DAB1: variants seen among roughly 807,000 people sequenced by gnomAD.
The protein encoded by DAB1 is disabled homolog 1.
In DAB1, 15 loss-of-function variants were observed where a neutral mutation model predicts 64.6. The ratio of observed to expected loss-of-function variants is 0.23; its 90% confidence interval spans 0.16 to 0.36. The LOEUF is 0.36. Among genes scored for constraint, DAB1 ranks in the 10% least tolerant of loss-of-function variants. DAB1 has a pLI of 1.00. For missense variants in DAB1, 596 were observed against 706.7 expected, an observed-to-expected ratio of 0.84 and a Z score of 1.78; for synonymous variants, 235 against 251.9, an observed-to-expected ratio of 0.93 and a Z score of 0.64.
chr1:57,404,617 A>G (rs1396524630), intron 1 of DAB1, among the ~76,000 whole-genome samples: 2 of 152,348 alleles, frequency 1.3e-5, no homozygotes, highest in African/African-American at 4.8e-5. Flanking sequence ...TTTCAAATTC[A>G]AAAAACAAGG....
chr1:57,891,169 A>G (rs1228099143), intron 5 of DAB1, among the ~76,000 whole-genome samples: 3 of 152,228 alleles, frequency 2.0e-5, no homozygotes, highest in Non-Finnish European at 4.4e-5. Context: ...TACAAGAAAA[A>G]GACAAACAAC....
At chr1:58,163,490 G>A (rs1252835754) in intron 4 of DAB1, among the ~76,000 whole-genome samples, 1 of 152,122 alleles carries the variant, frequency 6.6e-6, no homozygotes, top group African/African-American at 2.4e-5. Flanking sequence ...TCCCAGAGTT[G>A]GAAGTTGAAC....
At chr1:58,346,043 G>T (rs1230905019) in intron 3 of DAB1, among the ~76,000 whole-genome samples, 2 of 152,132 alleles carry the variant, frequency 1.3e-5, no homozygotes. Context: ...AAAGCGATGG[G>T]ACTCCATCAC....
chr1:57,048,146 C>T (rs1040145569), intron 9 of DAB1, among the ~76,000 whole-genome samples: 3 of 152,082 alleles, frequency 2.0e-5, no homozygotes, highest in African/African-American at 7.2e-5. Flanking sequence ...TTAAATAACC[C>T]ACCCAAGGTC....
chr1:58,373,150 G>A (rs1381703428), intron 3 of DAB1, among the ~76,000 whole-genome samples: 1 of 149,498 alleles, frequency 6.7e-6, no homozygotes, highest in Non-Finnish European at 1.5e-5. Flanking sequence ...TCTAACCAAA[G>A]CATCCAGCTT....
intron 5 of DAB1, among the ~76,000 whole-genome samples, chr1:58,061,754 G>A (rs1464459355): frequency 6.9e-6 from 1 of 145,468 alleles, no homozygotes; most frequent in African/African-American, 2.6e-5. Context: ...AATAAAGGCT[G>A]ATAAAGCTTT....
At chr1:57,761,211 C>T (rs998440198) in intron 6 of DAB1, among the ~76,000 whole-genome samples, 2 of 152,084 alleles carry the variant, frequency 1.3e-5, no homozygotes, top group Non-Finnish European at 2.9e-5. Context: ...GAGTTGGTGC[C>T]TTTAACAAGT....
Position 58,491,152 on chromosome 1 carries a change from T to A in DAB1, n.257+14908A>T, listed in dbSNP as rs865952553. ...AGAATTTTCAACCCAGAATTTCATA[T>A]CCAGCCAAACTAAGCTTCATAAGTG... On this transcript the variant is annotated intron_variant and non_coding_transcript_variant, in intron 3 of 20. Transcript: ENST00000485760. Among the ~76,000 whole-genome samples the A allele has an allele frequency of 1.9e-4, 29 of 152,032 alleles. No homozygotes were observed. The Middle Eastern group carries it at 0.02, about 107-fold the overall frequency.
At chr1:57,567,405 T>G (rs572337248) in intron 7 of DAB1, among the ~76,000 whole-genome samples, 1 of 152,126 alleles carries the variant, frequency 6.6e-6, no homozygotes, top group Non-Finnish European at 1.5e-5. Context: ...CTATTCAACA[T>G]AGTGTTGGAA....
intron 5 of DAB1, among the ~76,000 whole-genome samples, chr1:58,030,827 A>G (rs1249865306): frequency 6.6e-6 from 1 of 152,230 alleles, no homozygotes; most frequent in Non-Finnish European, 1.5e-5. Flanking sequence ...CAATCATTCA[A>G]AAATGTATGA....
chr1:57,808,041 T>C (rs1651446082), intron 6 of DAB1, among the ~76,000 whole-genome samples: 1 of 152,204 alleles, frequency 6.6e-6, no homozygotes, highest in Non-Finnish European at 1.5e-5. Flanking sequence ...TAGTAAAGTT[T>C]TGGGGGAGTC....
rs532935962 is a variant in DAB1, at chr1:57,657,319, T to C, written n.552-7654A>G. On this transcript the variant is annotated intron_variant and non_coding_transcript_variant, in intron 6 of 20. Transcript: ENST00000485760. ...TAGCAGAGCCAGCATGTACACAAATTATATCTAATATTCTAATTTGCATAC... is the reference window on the plus strand; with the variant it reads ...TAGCAGAGCCAGCATGTACACAAATCATATCTAATATTCTAATTTGCATAC... 2.0e-5 allele frequency among the ~76,000 whole-genome samples: 3 copies of C among 152,306 alleles called. No individual in the cohort carries two copies. In the South Asian group the frequency reaches 6.2e-4, roughly 32 times the overall value.
chr1:57,511,238 A>G (rs1644401806), intron 7 of DAB1, among the ~76,000 whole-genome samples: 1 of 152,120 alleles, frequency 6.6e-6, no homozygotes, highest in South Asian at 2.1e-4. Flanking sequence ...TGCTTCCCAT[A>G]TTTCTATGAA....
At chr1:58,110,549 A>G (rs1350810384) in intron 5 of DAB1, among the ~76,000 whole-genome samples, 1 of 152,200 alleles carries the variant, frequency 6.6e-6, no homozygotes, top group Admixed American at 6.5e-5. Context: ...TCCATCTCAC[A>G]AGAAGAAATT....
intron 4 of DAB1, among the ~76,000 whole-genome samples, chr1:58,159,625 G>A (rs775554725): frequency 1.3e-5 from 2 of 152,196 alleles, no homozygotes; most frequent in African/African-American, 4.8e-5. Flanking sequence ...CTTCTCATTG[G>A]TCATCACCAT....
chr1:57,943,298 T>A (rs766262243), intron 5 of DAB1, among the ~76,000 whole-genome samples: 2 of 152,160 alleles, frequency 1.3e-5, no homozygotes, highest in Non-Finnish European at 2.9e-5. Flanking sequence ...GTAAACCCAA[T>A]TGCACACTCA....
intron 4 of DAB1, among the ~76,000 whole-genome samples, chr1:57,113,295 G>T (rs1416340384): frequency 6.6e-6 from 1 of 152,128 alleles, no homozygotes; most frequent in Non-Finnish European, 1.5e-5. Context: ...TATAAAATAG[G>T]TATTATTATC....
intron 3 of DAB1, among the ~76,000 whole-genome samples, chr1:58,500,954 A>G (rs1454083587): frequency 3.9e-5 from 6 of 152,238 alleles, no homozygotes; most frequent in Non-Finnish European, 5.9e-5. Flanking sequence ...TAATATACAT[A>G]AAGTCTGAAC....
intron 3 of DAB1, among the ~76,000 whole-genome samples, chr1:58,491,406 A>G (rs1645686508): frequency 6.6e-6 from 1 of 152,204 alleles, no homozygotes; most frequent in Admixed American, 6.5e-5. Flanking sequence ...TCAAATTCAC[A>G]CATAACAATA....
Sources: gnomAD v4.1 joint callset for allele counts (sites outside exome capture counted in the v4.1 genomes callset) on GRCh38, gnomAD v4.1.1 for gene constraint, MANE v1.5 for transcripts, NCBI Gene and HGNC (gene_info 2026-07-23, HGNC 2026-07-21) for gene names.